SEMA3E: variants seen among roughly 807,000 people sequenced by gnomAD.
The protein encoded by SEMA3E is semaphorin 3E.
Under a neutral mutation model 93.6 loss-of-function variants are expected in SEMA3E, and 49 were observed. The ratio of observed to expected loss-of-function variants is 0.52; its 90% CI spans 0.42 to 0.66. The LOEUF is 0.66. Among genes scored for constraint, SEMA3E ranks in the 30% least tolerant of loss-of-function variants. The probability of loss-of-function intolerance (pLI) is 0.00; values close to 1 mark genes in which losing one functional copy is unlikely to be tolerated. For synonymous variants in SEMA3E, 363 were observed against 330.7 expected (o/e 1.10, Z -1.06); for missense variants, 906 against 964.8 (o/e 0.94, Z 0.81).
chr7:83,374,599 G>A (rs1348146279), intron 16 of SEMA3E, among the ~76,000 whole-genome samples: 8 of 152,248 alleles, frequency 5.3e-5, no homozygotes, highest in Middle Eastern at 6.8e-3. Flanking sequence ...TAACAGTCAA[G>A]CAATGAAATA....
intron 1 of SEMA3E, among the ~76,000 whole-genome samples, chr7:83,525,318 A>C (rs1791133253): frequency 6.6e-6 from 1 of 151,836 alleles, no homozygotes; most frequent in African/African-American, 2.4e-5. Flanking sequence ...ATATTTCTCC[A>C]GTGTTCTAAA....
intron 1 of SEMA3E, chr7:83,612,787 T>C (rs1330673593): frequency 6.6e-6 from 1 of 152,162 alleles, no homozygotes; most frequent in African/African-American, 2.4e-5. Flanking sequence ...AAACTTTGCT[T>C]TGGAGTTTAT....
chr7:83,556,614 C>T (rs1373706006), intron 1 of SEMA3E, among the ~76,000 whole-genome samples: 1 of 152,066 alleles, frequency 6.6e-6, no homozygotes, highest in Non-Finnish European at 1.5e-5. Flanking sequence ...AGCAGGCATG[C>T]CATAATGGTG....
chr7:83,473,010 G>C (rs1789935776), intron 2 of SEMA3E, among the ~76,000 whole-genome samples: 1 of 152,162 alleles, frequency 6.6e-6, no homozygotes, highest in Non-Finnish European at 1.5e-5. Context: ...ATGCTGAACT[G>C]TGAGTCAATT....
At chr7:83,598,353 C>A (rs1792918405) in intron 1 of SEMA3E, among the ~76,000 whole-genome samples, 1 of 152,138 alleles carries the variant, frequency 6.6e-6, no homozygotes, top group Non-Finnish European at 1.5e-5. Context: ...TTAAAAGACT[C>A]TAAGAATGCC....
At chr7:83,482,782 G>A (rs1410815542) in intron 2 of SEMA3E, among the ~76,000 whole-genome samples, 1 of 151,916 alleles carries the variant, frequency 6.6e-6, no homozygotes, top group South Asian at 2.1e-4. Context: ...ATAAAAATCA[G>A]ATCTTGGAAT....
chr7:83,605,796 G>T (rs1793104511), intron 1 of SEMA3E, among the ~76,000 whole-genome samples: 1 of 151,830 alleles, frequency 6.6e-6, no homozygotes, highest in Admixed American at 6.6e-5. Context: ...AGGGTTGTTT[G>T]GTCTTTTTCT....
intron 4 of SEMA3E, chr7:83,461,992 C>T (rs890510604): frequency 6.6e-6 from 1 of 152,286 alleles, no homozygotes; most frequent in Non-Finnish European, 1.5e-5. Context: ...GGGATTCCTC[C>T]TAAGCTGTGT....
At chr7:83,587,171 CCAAA>C (rs1306235517) in intron 1 of SEMA3E, among the ~76,000 whole-genome samples, 2 of 151,940 alleles carry the variant, frequency 1.3e-5, no homozygotes, top group African/African-American at 2.4e-5. Flanking sequence ...AAATCATATG[CCAAA>C]CATTCTTTAA....
intron 14 of SEMA3E, among the ~76,000 whole-genome samples, chr7:83,392,012 G>T (rs1326416606): frequency 6.6e-6 from 1 of 152,090 alleles, no homozygotes. Context: ...TGCACCTCAA[G>T]ATCTCTGCTT....
chr7:83,537,145 C>T (rs967286078), intron 1 of SEMA3E, among the ~76,000 whole-genome samples: 1 of 152,090 alleles, frequency 6.6e-6, no homozygotes, highest in Non-Finnish European at 1.5e-5. Flanking sequence ...AGGAAGACAG[C>T]CCTTTCCAGA....
intron 1 of SEMA3E, among the ~76,000 whole-genome samples, chr7:83,561,590 T>A (rs1284658560): frequency 1.3e-5 from 2 of 152,116 alleles, no homozygotes; most frequent in African/African-American, 4.8e-5. Context: ...TCTGCCCTTT[T>A]CAGGAGTGCC....
chr7:83,475,844 T>C (rs1021900960), intron 2 of SEMA3E, among the ~76,000 whole-genome samples: 1 of 152,192 alleles, frequency 6.6e-6, no homozygotes, highest in Non-Finnish European at 1.5e-5. Flanking sequence ...TGCCAGAACA[T>C]GCATTGTTCC....
At chr7:83,383,726 C>T (rs952164577) in intron 16 of SEMA3E, among the ~76,000 whole-genome samples, 3 of 151,900 alleles carry the variant, frequency 2.0e-5, no homozygotes, top group African/African-American at 7.2e-5. Context: ...ATGGATTCAG[C>T]ATGTCAAATG....
intron 1 of SEMA3E, among the ~76,000 whole-genome samples, chr7:83,640,552 G>A (rs376349405): frequency 6.6e-6 from 1 of 152,064 alleles, no homozygotes. Context: ...TATTTACTTA[G>A]TATTTCATTA....
At chr7:83,390,098 T>C (rs1466705625) in intron 14 of SEMA3E, among the ~76,000 whole-genome samples, 6 of 110,134 alleles carry the variant, frequency 5.4e-5, no homozygotes, top group Non-Finnish European at 9.6e-5. Flanking sequence ...TATATGCGCG[T>C]ATACGTGTGC....
intron 1 of SEMA3E, among the ~76,000 whole-genome samples, chr7:83,631,670 T>G (rs937884234): frequency 1.3e-5 from 2 of 152,188 alleles, no homozygotes; most frequent in African/African-American, 4.8e-5. Flanking sequence ...ACTACACATA[T>G]GATCTACATT....
chr7:83,511,802 C>G (rs7801561), intron 1 of SEMA3E, among the ~76,000 whole-genome samples: 3 of 151,740 alleles, frequency 2.0e-5, no homozygotes, highest in African/African-American at 7.3e-5. Flanking sequence ...GGCTGAGGCA[C>G]GAGAATCGCT....
chr7:83,410,962 T>G (rs1275573286), intron 5 of SEMA3E, among the ~76,000 whole-genome samples: 1 of 152,114 alleles, frequency 6.6e-6, no homozygotes, highest in Non-Finnish European at 1.5e-5. Context: ...TAGATTTCTT[T>G]AAAATCATGA....
Sources: allele counts gnomAD v4.1 joint callset (sites outside exome capture counted in the v4.1 genomes callset), GRCh38; gene constraint gnomAD v4.1.1; transcripts MANE v1.5; gene names NCBI Gene and HGNC (gene_info 2026-07-23, HGNC 2026-07-21).